MAD1L1: variants seen among roughly 807,000 people sequenced by gnomAD.
MAD1L1 encodes mitotic spindle assembly checkpoint protein MAD1.
In MAD1L1, 95 loss-of-function variants were observed where a neutral mutation model predicts 96.9. The ratio of observed to expected loss-of-function variants is 0.98; its 90% CI spans 0.83 to 1.16. The LOEUF is 1.16. Among genes scored for constraint, MAD1L1 ranks in the 50% most tolerant of loss-of-function variants. The probability of loss-of-function intolerance (pLI) is 0.00; values close to 1 mark genes in which losing one functional copy is unlikely to be tolerated. For synonymous variants in MAD1L1, 473 were observed against 396.6 expected (o/e 1.19, Z -2.29); for missense variants, 1,007 against 954.4 (o/e 1.06, Z -0.73).
chr7:1,984,578 C>G (rs1221106495), intron 14 of MAD1L1, among the ~76,000 whole-genome samples: 1 of 152,214 alleles, frequency 6.6e-6, no homozygotes, highest in Admixed American at 6.5e-5. Context: ...ATTTGGCTAA[C>G]CCATCTGAAC....
chr7:2,194,540 T>A (rs1412817473), intron 10 of MAD1L1, among the ~76,000 whole-genome samples: 1 of 152,210 alleles, frequency 6.6e-6, no homozygotes, highest in Non-Finnish European at 1.5e-5. Flanking sequence ...CCGTGAGGGC[T>A]AATCACCCTA....
chr7:2,140,359 G>A (rs1371314419), intron 11 of MAD1L1, among the ~76,000 whole-genome samples: 1 of 152,226 alleles, frequency 6.6e-6, no homozygotes, highest in African/African-American at 2.4e-5. Flanking sequence ...CCTGAAGGGT[G>A]AAGGGTGCCG....
At chr7:1,952,243 T>C (rs1453886146) in intron 16 of MAD1L1, among the ~76,000 whole-genome samples, 10 of 152,088 alleles carry the variant, frequency 6.6e-5, no homozygotes, top group Non-Finnish European at 1.5e-4. Context: ...AGCAGTGAGA[T>C]CTCATGGAAA....
At chr7:2,066,531 C>T (rs1253173899) in intron 12 of MAD1L1, among the ~76,000 whole-genome samples, 2 of 152,214 alleles carry the variant, frequency 1.3e-5, no homozygotes, top group Non-Finnish European at 1.5e-5. Context: ...ACAGCAGGGT[C>T]GGGGTGAGGC....
At chr7:2,093,284 C>A (rs1786310178) in intron 11 of MAD1L1, among the ~76,000 whole-genome samples, 2 of 145,654 alleles carry the variant, frequency 1.4e-5, no homozygotes, top group Non-Finnish European at 3.0e-5. Context: ...GAGGGCAGTA[C>A]ATAGCCAAAA....
In MAD1L1 at chr7:2,103,355, C is replaced by T. The variant is rs574629277; in HGVS notation, c.1074-34017G>A. On this transcript the variant is annotated intron_variant, in intron 11 of 18. Coordinates refer to ENST00000265854, the MANE Select transcript of MAD1L1 (RefSeq NM_001013836.2). The surrounding 1 kb of genome is among the most constrained non-coding windows in gnomAD (Gnocchi z 4.3). ...AGTGAAGGCCTGGGCCTGCCTGCCCCGCCGCTCAGTAGACGGCACATGGGA... is the reference window on the plus strand; with the variant it reads ...AGTGAAGGCCTGGGCCTGCCTGCCCTGCCGCTCAGTAGACGGCACATGGGA... 2.6e-5 allele frequency among the ~76,000 whole-genome samples: 4 copies of T among 152,276 alleles called. No individual in the cohort carries two copies. Among genetic ancestry groups the T allele is most frequent in the South Asian group, 4.1e-4 (2 of 4,820 alleles).
chr7:1,903,359 G>C lies in MAD1L1; in HGVS notation c.1808-4969C>G, dbSNP rs544207762. Reference sequence around the variant, plus strand: ...CACTCTTGCGGAACTCATGATTGATGAAGCACTGTTCCAGGCAGCGAGGAC... The same window carrying C: ...CACTCTTGCGGAACTCATGATTGATCAAGCACTGTTCCAGGCAGCGAGGAC... On this transcript the variant is annotated intron_variant, in intron 17 of 18. Coordinates refer to ENST00000265854, the MANE Select transcript of MAD1L1 (RefSeq NM_001013836.2). Among the ~76,000 whole-genome samples, 145 of 149,318 alleles carry C rather than the reference G, an allele frequency of 9.7e-4. 1 individual carries two copies. The highest frequency in any genetic ancestry group is 7.0e-3 in the Middle Eastern group (2 of 284).
At chr7:1,979,744 G>A (rs1018868655) in intron 15 of MAD1L1, among the ~76,000 whole-genome samples, 1 of 152,242 alleles carries the variant, frequency 6.6e-6, no homozygotes, top group Non-Finnish European at 1.5e-5. Flanking sequence ...CCCAAGGGCT[G>A]CTGGACACGC....
chr7:1,985,629 C>T (rs1263647057), intron 14 of MAD1L1, among the ~76,000 whole-genome samples: 1 of 152,260 alleles, frequency 6.6e-6, no homozygotes, highest in Non-Finnish European at 1.5e-5. Context: ...GCCATCCTGA[C>T]ACTTCTTTTT....
At chr7:2,095,958 C>T (rs114867273) in intron 11 of MAD1L1, among the ~76,000 whole-genome samples, 4,080 of 152,302 alleles carry the variant, frequency 0.027, 93 homozygotes, top group South Asian at 0.088. Flanking sequence ...CGCGGGTCCG[C>T]GGGGAGACAC....
intron 18 of MAD1L1, among the ~76,000 whole-genome samples, chr7:1,879,254 G>A (rs746409141): frequency 1.3e-5 from 2 of 152,140 alleles, no homozygotes; most frequent in Non-Finnish European, 1.5e-5. Flanking sequence ...TCAGGAGTTC[G>A]AGACCAGCCT....
At chr7:1,953,672 C>T (rs937448509) in intron 16 of MAD1L1, among the ~76,000 whole-genome samples, 22 of 152,264 alleles carry the variant, frequency 1.4e-4, no homozygotes, top group Non-Finnish European at 2.9e-4. Flanking sequence ...CAGGAAGCCC[C>T]GCGGCGGAAC....
rs775899627 is a variant in MAD1L1 at position 1,952,425 on chromosome 7, G to A, written c.1596+5204C>T. 6.6e-5 allele frequency among the ~76,000 whole-genome samples: 10 copies of A among 152,206 alleles called. 1 individual carries two copies. The highest frequency in any genetic ancestry group is 1.7e-4 in the African/African-American group (7 of 41,452). ...ACCTAACGTGGGTCCCTGGGGCCCC[G>A]TGCCAATGACCTGCTTCCTTTCACG... On this transcript the variant is annotated intron_variant, in intron 16 of 18. Coordinates refer to ENST00000265854, the MANE Select transcript of MAD1L1 (RefSeq NM_001013836.2).
chr7:2,091,853 T>C (rs1237116207), intron 11 of MAD1L1, among the ~76,000 whole-genome samples: 2 of 152,186 alleles, frequency 1.3e-5, no homozygotes, highest in South Asian at 2.1e-4. Flanking sequence ...CAGGATTCCA[T>C]TGCACAAATG....
chr7:2,177,080 T>C (rs542890119), intron 10 of MAD1L1, among the ~76,000 whole-genome samples: 3,016 of 152,320 alleles, frequency 0.02, 35 homozygotes, highest in Non-Finnish European at 0.031. Flanking sequence ...TGCCTTCACA[T>C]TCCATAATAT....
chr7:2,010,900 T>G (rs10950508), intron 13 of MAD1L1, among the ~76,000 whole-genome samples: 147,784 of 152,262 alleles, frequency 0.97, 71,866 homozygotes, highest in Non-Finnish European at 1. Context: ...GGAGTGTGAG[T>G]GGGGGACAGA....
chr7:1,911,030 G>A (rs1787983623), intron 17 of MAD1L1, among the ~76,000 whole-genome samples: 2 of 152,184 alleles, frequency 1.3e-5, no homozygotes, highest in South Asian at 4.1e-4. Context: ...AGCTGCCTGT[G>A]CCCACAGCCC....
At chr7:2,104,623 C>T (rs543188816) in intron 11 of MAD1L1, among the ~76,000 whole-genome samples, 5 of 152,316 alleles carry the variant, frequency 3.3e-5, no homozygotes, top group African/African-American at 7.2e-5. Flanking sequence ...ATTTACTCCT[C>T]GTTAAATTCT....
At position 2,186,785 on chromosome 7, in the gene MAD1L1, T is replaced by C. The variant is rs1341004220; in HGVS notation, c.986+26427A>G. Reference sequence around the variant, plus strand: ...CAGTCTTGTAACATCAAAACTATTTTCTTTTTCTTTTTTTTTTTTTTTCTC... The same window carrying C: ...CAGTCTTGTAACATCAAAACTATTTCCTTTTTCTTTTTTTTTTTTTTTCTC... On this transcript the variant is annotated intron_variant, in intron 10 of 18. Transcript: ENST00000265854. 2.0e-5 allele frequency among the ~76,000 whole-genome samples: 3 copies of C among 151,066 alleles called. No individual in the cohort carries two copies. The East Asian group carries it at 5.8e-4, about 29-fold the overall frequency.
Sources: gnomAD v4.1 joint callset for allele counts (sites outside exome capture counted in the v4.1 genomes callset) on GRCh38, gnomAD v4.1.1 for gene constraint, Gnocchi (gnomAD v3.1) non-coding constraint, MANE v1.5 for transcripts, NCBI Gene and HGNC (gene_info 2026-07-23, HGNC 2026-07-21) for gene names.